KIT: variants seen among roughly 807,000 people sequenced by gnomAD.
The protein encoded by KIT is KIT proto-oncogene, receptor tyrosine kinase.
KIT carries 16 observed loss-of-function variants against 105.7 expected under a neutral mutation model. That is an observed-to-expected ratio of 0.15 (90% CI 0.10 to 0.23). KIT has a LOEUF of 0.23. KIT is among the 10% of genes least tolerant of loss of function. The pLI is 1.00. For missense variants in KIT, 858 were observed against 1,213.8 expected (o/e 0.71, Z 4.36); for synonymous variants, 438 against 441.1 (o/e 0.99, Z 0.09).
chr4:54,697,657 A>G lies in KIT; in HGVS notation c.338-627A>G, dbSNP rs183306470. Among the ~76,000 whole-genome samples the G allele has an allele frequency of 1.4e-3, 210 of 152,274 alleles. 2 individuals carry two copies. The highest frequency in any genetic ancestry group is 4.9e-3 in the African/African-American group (204 of 41,550). ...AAATTATTTGATTTCCAGAAGCTAC[A>G]TTTACATGTTTCTTCAGAGGAATAT... is the stretch of plus-strand genomic sequence containing the variant. On this transcript the variant is annotated intron_variant, in intron 2 of 20. Coordinates refer to ENST00000288135, the MANE Select transcript of KIT (RefSeq NM_000222.3).
intron 10 of KIT, 29 bp downstream of exon 10, chr4:54,727,353 G>A (rs2109774909): frequency 1.2e-6 from 2 of 1,613,344 alleles, no homozygotes; most frequent in Non-Finnish European, 1.7e-6. Context: ...TCTCTCCAGA[G>A]TGCTCTAATG....
intron 1 of KIT, among the ~76,000 whole-genome samples, chr4:54,691,785 A>T (rs932728484): frequency 6.6e-6 from 1 of 151,810 alleles, no homozygotes; most frequent in Non-Finnish European, 1.5e-5. Flanking sequence ...TTAGGAGAGG[A>T]TATTACTTCT....
At chr4:54,659,183 C>G (rs1291119361) in intron 1 of KIT, among the ~76,000 whole-genome samples, 1 of 152,212 alleles carries the variant, frequency 6.6e-6, no homozygotes, top group African/African-American at 2.4e-5. Context: ...TGGCGTGGAA[C>G]TTTCTGCAAA....
At position 54,727,234 on chromosome 4, in the gene KIT, C is replaced by A. The variant is rs1722281042; in HGVS notation, c.1557C>A (p.His519Gln). The change falls in exon 10 of 21, where the codon CAC becomes CAA. Residue 519 changes from histidine to glutamine, a missense_variant. His to Gln is a conservative substitution (Grantham distance 24). Transcript: ENST00000288135. ...CCATTGTAGAGCAAATCCATCCCCACACCCTGTTCACTCCTTTGCTGATTG... is the reference window on the plus strand; with the variant it reads ...CCATTGTAGAGCAAATCCATCCCCAAACCCTGTTCACTCCTTTGCTGATTG... ...KGNNKEQIHP[H>Q]TLFTPLLIGF... 6.2e-7 allele frequency: 1 copy of A among 1,613,956 alleles called. No homozygotes were observed.
In KIT at chr4:54,709,537, A is replaced by C. The variant is rs1213469406; in HGVS notation, c.1229A>C (p.Asn410Thr). 1.9e-6 allele frequency: 3 copies of C among 1,567,584 alleles called. No homozygotes were observed. Among genetic ancestry groups the C allele is most frequent in the Middle Eastern group, 1.7e-4 (1 of 5,968 alleles). Reference sequence around the variant, plus strand: ...GCCATAGCATTTAATGTTTATGTGAATAGTAAGTAACATGAAGGGCTCCTT... The same window carrying C: ...GCCATAGCATTTAATGTTTATGTGACTAGTAAGTAACATGAAGGGCTCCTT... ...NAAIAFNVYVNTKPEILTYDR... is the reference protein window; with the variant it reads ...NAAIAFNVYVTTKPEILTYDR... The change falls in exon 7 of 21, where the codon AAT (asparagine) becomes ACT (threonine). Residue 410 changes from asparagine to threonine, a missense_variant and splice_region_variant. Physicochemically the swap from Asn to Thr is moderately conservative, Grantham distance 65. Around this residue, in one of 7 missense-constraint regions of KIT, gnomAD observed 401 missense variants for 601.0 expected, o/e 0.67. Coordinates refer to ENST00000288135, the MANE Select transcript of KIT (RefSeq NM_000222.3).
chr4:54,692,525 A>T (rs529648539), intron 1 of KIT, among the ~76,000 whole-genome samples: 1 of 152,250 alleles, frequency 6.6e-6, no homozygotes, highest in Non-Finnish European at 1.5e-5. Flanking sequence ...AACCCATGAG[A>T]AAATGGAATT....
At chr4:54,732,634 A>C (rs1239966599) in intron 16 of KIT, among the ~76,000 whole-genome samples, 1 of 152,146 alleles carries the variant, frequency 6.6e-6, no homozygotes, top group Non-Finnish European at 1.5e-5. Context: ...TTACCAAACT[A>C]AGAAAGGATA....
At chr4:54,731,228 C>A in intron 14 of KIT, 100 bp from the exon 15 acceptor site, 1 of 823,446 alleles carries the variant, frequency 1.2e-6, no homozygotes, top group Non-Finnish European at 2.1e-6. Context: ...TTGGTCCAGT[C>A]TATTATGTAG....
intron 1 of KIT, among the ~76,000 whole-genome samples, chr4:54,679,366 A>G (rs747354310): frequency 6.6e-5 from 10 of 152,220 alleles, no homozygotes; most frequent in Non-Finnish European, 1.0e-4. Context: ...TATCTGCAGA[A>G]CAGTTATCAA....
chr4:54,671,517 C>T (rs1442249921), intron 1 of KIT, among the ~76,000 whole-genome samples: 2 of 152,182 alleles, frequency 1.3e-5, no homozygotes. Flanking sequence ...TAATTATGAA[C>T]TCAGCTGCTT....
chr4:54,714,844 T>A (rs1234324565), intron 7 of KIT, among the ~76,000 whole-genome samples: 1 of 152,160 alleles, frequency 6.6e-6, no homozygotes, highest in Non-Finnish European at 1.5e-5. Context: ...CACGTGGTGG[T>A]GACGGGGAGG....
chr4:54,693,265 G>A (rs1719834592), intron 1 of KIT, among the ~76,000 whole-genome samples: 1 of 152,108 alleles, frequency 6.6e-6, no homozygotes, highest in African/African-American at 2.4e-5. Context: ...ATCTTACTGT[G>A]GCATCTGCCC....
At chr4:54,689,957 G>T (rs1430053469) in intron 1 of KIT, among the ~76,000 whole-genome samples, 1 of 151,558 alleles carries the variant, frequency 6.6e-6, no homozygotes, top group Non-Finnish European at 1.5e-5. Flanking sequence ...TCATATAACT[G>T]GTATCACACA....
rs373072016 is a variant in KIT, at chr4:54,727,819, A to G, written c.1775-4A>G. On this transcript the variant is annotated splice_region_variant and splice_polypyrimidine_tract_variant and intron_variant, in intron 11 of 20. Coordinates refer to ENST00000288135, the MANE Select transcript of KIT (RefSeq NM_000222.3). ...CACTTACCTTGTTGTCTTCCTTCCT[A>G]CAGGGAAAACCCTGGGTGCTGGAGC... 14 of 1,611,220 alleles carry G rather than the reference A, an allele frequency of 8.7e-6. No homozygotes were observed. The highest frequency in any genetic ancestry group is 1.1e-5 in the South Asian group (1 of 90,962).
intron 1 of KIT, among the ~76,000 whole-genome samples, chr4:54,679,145 A>G (rs1320467885): frequency 2.0e-5 from 3 of 152,174 alleles, no homozygotes; most frequent in Admixed American, 1.3e-4. Flanking sequence ...AATTAAACTC[A>G]TATTCTGAAA....
chr4:54,737,765 A>G (rs1229136353), intron 20 of KIT, among the ~76,000 whole-genome samples: 1 of 152,190 alleles, frequency 6.6e-6, no homozygotes, highest in Non-Finnish European at 1.5e-5. Context: ...AGCCATATAG[A>G]ATGAAGAGCT....
At chr4:54,699,493 A>C in intron 3 of KIT, 137 bp from the exon 4 acceptor site, 1 of 924,760 alleles carries the variant, frequency 1.1e-6, no homozygotes, top group South Asian at 1.5e-5. Flanking sequence ...CAAGTAGTAC[A>C]GATAGGTTAG....
intron 1 of KIT, among the ~76,000 whole-genome samples, chr4:54,673,425 G>A (rs1211082515): frequency 2.0e-5 from 3 of 152,032 alleles, no homozygotes; most frequent in Non-Finnish European, 4.4e-5. Context: ...CTCTCGTGTT[G>A]TCTTTACCTG....
intron 7 of KIT, among the ~76,000 whole-genome samples, chr4:54,716,217 G>A (rs752261950): frequency 2.0e-5 from 3 of 152,096 alleles, no homozygotes; most frequent in African/African-American, 2.4e-5. Flanking sequence ...AATTTTAAAC[G>A]TTAAATAAAG....
Sources: allele counts gnomAD v4.1 joint callset (sites outside exome capture counted in the v4.1 genomes callset), GRCh38; gene constraint gnomAD v4.1.1; regional missense constraint gnomAD v4.1.1; transcripts MANE v1.5; gene names NCBI Gene and HGNC (gene_info 2026-07-23, HGNC 2026-07-21).